The following JMJD1C variants were observed in gnomAD, a reference collection of about 807,000 sequenced individuals.
JMJD1C encodes the protein jumonji domain-containing protein 1C.
Under a neutral mutation model 245.3 loss-of-function variants are expected in JMJD1C, and 31 were observed. That is an observed-to-expected ratio of 0.13 (90% confidence interval 0.09 to 0.17). JMJD1C has a LOEUF of 0.17. Ranked by LOEUF, JMJD1C falls within the 10% of genes least tolerant of loss-of-function variation. JMJD1C has a pLI of 1.00. For synonymous variants in JMJD1C, 1,057 were observed against 1,017.4 expected (o/e 1.04, Z -0.74); for missense variants, 2,691 against 3,000.2 (o/e 0.90, Z 2.41).
At chr10:63,349,947 T>C (rs1944205964) in intron 2 of JMJD1C, among the ~76,000 whole-genome samples, 1 of 152,324 alleles carries the variant, frequency 6.6e-6, no homozygotes, top group South Asian at 2.1e-4. Context: ...TTAAAAACTC[T>C]TGACATTCTG....
chr10:63,204,376 AAT>A (rs1467930286), intron 10 of JMJD1C: 16 of 984,694 alleles, frequency 1.6e-5, no homozygotes, highest in Non-Finnish European at 1.9e-5. Flanking sequence ...CTTACATGTG[AAT>A]ATGTATATTC....
chr10:63,257,674 T>C (rs1199218184), intron 3 of JMJD1C, among the ~76,000 whole-genome samples: 1 of 152,218 alleles, frequency 6.6e-6, no homozygotes. Context: ...CAGCAACAAG[T>C]AGAGTACATG....
intron 22 of JMJD1C, among the ~76,000 whole-genome samples, chr10:63,182,391 A>C (rs1455960816): frequency 6.6e-6 from 1 of 152,224 alleles, no homozygotes; most frequent in Non-Finnish European, 1.5e-5. Flanking sequence ...GAATTATCCA[A>C]ATACGTGTGA....
At chr10:63,185,682 G>A in intron 19 of JMJD1C, 29 bp from the exon 20 acceptor site, 1 of 1,245,248 alleles carries the variant, frequency 8.0e-7, no homozygotes. Flanking sequence ...ATTACTAAAA[G>A]GGTAATTTCT....
intron 1 of JMJD1C, among the ~76,000 whole-genome samples, chr10:63,384,745 C>T (rs1189803406): frequency 6.6e-6 from 1 of 152,162 alleles, no homozygotes; most frequent in Non-Finnish European, 1.5e-5. Flanking sequence ...AAAAAGTCAC[C>T]AGTTACTGTA....
At chr10:63,427,969 A>G (rs1010017505) in intron 1 of JMJD1C, 1 of 700,238 alleles carries the variant, frequency 1.4e-6, no homozygotes, top group Non-Finnish European at 2.7e-6. Context: ...CATTGCCACC[A>G]CAGCATCCCA....
chr10:63,474,058 A>G (rs1589810575), intron 1 of JMJD1C, among the ~76,000 whole-genome samples: 2 of 151,994 alleles, frequency 1.3e-5, no homozygotes, highest in South Asian at 4.2e-4. Context: ...AAAAGAAAAG[A>G]AAAAAAGAAA....
rs149655740 is a variant in JMJD1C at position 63,353,577 on chromosome 10, G to A, written c.333+26741C>T. On this transcript the variant is annotated intron_variant, in intron 2 of 25. Transcript: ENST00000399262. ...ATCACCCAGGCTGGAGTGCAGTGGC[G>A]TGATCTCGGCTCACTGCAACCTCTT... 2.6e-3 allele frequency among the ~76,000 whole-genome samples: 394 copies of A among 152,156 alleles called. 3 individuals are homozygous for A. In the South Asian group the frequency reaches 0.029, roughly 11 times the overall value.
chr10:63,321,504 A>T (rs935270704), intron 2 of JMJD1C, among the ~76,000 whole-genome samples: 17 of 152,210 alleles, frequency 1.1e-4, no homozygotes, highest in Non-Finnish European at 2.4e-4. Flanking sequence ...GAGATCTGCT[A>T]GGTGTGTAAG....
Position 63,240,543 on chromosome 10 carries a change from G to A in JMJD1C, c.448-20560C>T, listed in dbSNP as rs111391294. Reference sequence around the variant, plus strand: ...GTGAAGTGGAGGAAGAAACCAGGCTGCAATAACTGAAGATATTATTGGGAA... The same window carrying A: ...GTGAAGTGGAGGAAGAAACCAGGCTACAATAACTGAAGATATTATTGGGAA... On this transcript the variant is annotated intron_variant, in intron 3 of 25. Coordinates refer to ENST00000399262, the MANE Select transcript of JMJD1C (RefSeq NM_032776.3). 2.1e-3 allele frequency among the ~76,000 whole-genome samples: 326 copies of A among 152,274 alleles called. 2 individuals carry two copies. Among genetic ancestry groups the A allele is most frequent in the Middle Eastern group, 0.014 (4 of 294 alleles).
intron 3 of JMJD1C, among the ~76,000 whole-genome samples, chr10:63,261,447 G>A (rs1854736991): frequency 6.6e-6 from 1 of 152,036 alleles, no homozygotes; most frequent in Non-Finnish European, 1.5e-5. Context: ...TGGGAGTGGT[G>A]GTGCACACCT....
intron 2 of JMJD1C, among the ~76,000 whole-genome samples, chr10:63,286,956 C>A (rs997653518): frequency 6.6e-6 from 1 of 152,030 alleles, no homozygotes; most frequent in Admixed American, 6.5e-5. Context: ...AGAAAAAGTG[C>A]CTCAAAAGAA....
At chr10:63,456,148 G>A (rs1026042098) in intron 1 of JMJD1C, among the ~76,000 whole-genome samples, 2 of 151,844 alleles carry the variant, frequency 1.3e-5, no homozygotes, top group African/African-American at 4.8e-5. Flanking sequence ...AAAGTAAAAT[G>A]GTTTCCCTCA....
intron 1 of JMJD1C, among the ~76,000 whole-genome samples, chr10:63,395,337 G>A (rs1948413329): frequency 6.6e-6 from 1 of 152,070 alleles, no homozygotes; most frequent in South Asian, 2.1e-4. Context: ...AATTAGCCGG[G>A]TGTGGTGGCG....
At chr10:63,467,579 T>G (rs770677700), upstream of JMJD1C, among the ~76,000 whole-genome samples, 1 of 152,208 alleles carries the variant, frequency 6.6e-6, no homozygotes, top group Non-Finnish European at 1.5e-5. Context: ...AAAATGCATA[T>G]CGGCAAGTTG....
intron 14 of JMJD1C, 121 bp downstream of exon 14, chr10:63,194,165 A>G (rs1371498281): frequency 1.4e-6 from 1 of 694,430 alleles, no homozygotes; most frequent in Admixed American, 2.1e-5. Flanking sequence ...TAACTGAGCA[A>G]GACAATTCAA....
chr10:63,402,152 A>C (rs551923121), intron 1 of JMJD1C, among the ~76,000 whole-genome samples: 1 of 151,934 alleles, frequency 6.6e-6, no homozygotes, highest in Admixed American at 6.6e-5. Context: ...AGAAAAAAAA[A>C]CAAAAAAAGT....
chr10:63,196,231 G>A (rs1845439799), intron 13 of JMJD1C, among the ~76,000 whole-genome samples: 1 of 151,214 alleles, frequency 6.6e-6, no homozygotes, highest in South Asian at 2.1e-4. Flanking sequence ...CAACAAGAGT[G>A]AAACTCCGTC....
At chr10:63,462,708 G>T (rs1162240383) in intron 1 of JMJD1C, among the ~76,000 whole-genome samples, 2 of 152,102 alleles carry the variant, frequency 1.3e-5, no homozygotes, top group Admixed American at 1.3e-4. Context: ...CATGAGCCAA[G>T]GAATGTGGAC....
Sources: gnomAD v4.1 joint callset for allele counts (sites outside exome capture counted in the v4.1 genomes callset) on GRCh38, gnomAD v4.1.1 for gene constraint, MANE v1.5 for transcripts, NCBI Gene and HGNC (gene_info 2026-07-23, HGNC 2026-07-21) for gene names.